STRA6: variants seen among roughly 807,000 people sequenced by gnomAD.
The protein encoded by STRA6 is receptor for retinol uptake STRA6.
In STRA6, 48 loss-of-function variants were observed where a neutral mutation model predicts 83.6. That is an observed-to-expected ratio of 0.57 (90% CI 0.46 to 0.73). The LOEUF is 0.73. STRA6 is among the 30% of genes least tolerant of loss of function. STRA6 has a pLI of 0.00. For missense variants in STRA6, 760 were observed against 838.8 expected (o/e 0.91, Z 1.16); for synonymous variants, 353 against 362.3 (o/e 0.97, Z 0.29).
rs188723297 is a variant in STRA6 at position 74,197,524 on chromosome 15, C to A, written c.181-101G>T. On this transcript the variant is annotated intron_variant, in intron 3 of 18. Coordinates refer to ENST00000395105, the MANE Select transcript of STRA6 (RefSeq NM_022369.4). ...AGGCCCCAGGATATCCCCTACCTGC[C>A]CAGTGCACACTCATGTGACATCTTG... The A allele has an allele frequency of 3.4e-5, 39 of 1,133,276 alleles. No homozygotes were observed. The East Asian group carries it at 9.2e-4, about 27-fold the overall frequency. The allele number at this position is 1,133,276 out of a possible 1,614,324, so 70.2% of individuals were successfully genotyped here. A position where few individuals can be genotyped will look rare whatever the true frequency, so the allele number is the denominator to read the frequency against.
chr15:74,182,355 A>G lies in STRA6; in HGVS notation c.1406T>C (p.Leu469Pro). Residue 469 changes from leucine to proline, a missense_variant, in exon 15 of 19, where the codon CTG becomes CCG. Transcript: ENST00000395105. ...TTGTTTCACTCACCACGAGGACTCC[A>G]GGGAACGGAAGAGCAGGAGGTTCCT... ...HGRNLLLFRSLESSWPFWLTL... is the reference protein window; with the variant it reads ...HGRNLLLFRSPESSWPFWLTL... 2 of 1,614,128 alleles carry G rather than the reference A, an allele frequency of 1.2e-6. No individual in the cohort carries two copies. Among genetic ancestry groups the G allele is most frequent in the Non-Finnish European group, 1.7e-6 (2 of 1,179,992 alleles).
At position 74,193,703 on chromosome 15, in the gene STRA6, T is replaced by C. The variant is rs1040016817; in HGVS notation, c.720+97A>G. ...TGAGCATCTATTCTGTGCTGGGCCC[T>C]ACATCAAGCACGGCCATGTATCTGG... On this transcript the variant is annotated intron_variant, in intron 8 of 18. Coordinates refer to ENST00000395105, the MANE Select transcript of STRA6 (RefSeq NM_022369.4). 4 of 1,579,830 alleles carry C rather than the reference T, an allele frequency of 2.5e-6. No homozygotes were observed. In the African/African-American group the frequency reaches 4.0e-5, roughly 16 times the overall value.
chr15:74,185,988 C>T (rs1193422445), intron 12 of STRA6, among the ~76,000 whole-genome samples: 1 of 152,222 alleles, frequency 6.6e-6, no homozygotes, highest in Non-Finnish European at 1.5e-5. Context: ...ACGGGGAGAG[C>T]AAACACAGAA....
rs933862674 is a variant in STRA6, at chr15:74,188,673, G to T, written c.1090+442C>A. ...CAGAGGAGGGAAGGAGAAAGGAGAC[G>T]GCCCCAAAAGACAGGGAGTGGGGAA... is the stretch of plus-strand genomic sequence containing the variant. On this transcript the variant is annotated intron_variant, in intron 12 of 18. Coordinates refer to ENST00000395105, the MANE Select transcript of STRA6 (RefSeq NM_022369.4). This position sits in a 1 kb window ranked among gnomAD's most constrained non-coding sequence, Gnocchi z 4.5. Among the ~76,000 whole-genome samples the T allele has an allele frequency of 1.3e-5, 2 of 152,192 alleles. No individual in the cohort carries two copies. The highest frequency in any genetic ancestry group is 4.8e-5 in the African/African-American group (2 of 41,440).
At chr15:74,181,570 T>C (rs879868238) in intron 16 of STRA6, 112 bp from the exon 17 acceptor site, 1 of 1,413,128 alleles carries the variant, frequency 7.1e-7, no homozygotes, top group East Asian at 2.5e-5. Context: ...TGCCTACCAT[T>C]TATTGCTATG....
chr15:74,208,569 A>T (rs2074314601), intron 1 of STRA6, among the ~76,000 whole-genome samples: 1 of 152,090 alleles, frequency 6.6e-6, no homozygotes, highest in African/African-American at 2.4e-5. Flanking sequence ...GGACTCTGCG[A>T]ATGTCTCCTG....
upstream of STRA6, chr15:74,209,274 C>T (rs2074331057): frequency 7.8e-7 from 1 of 1,277,360 alleles, no homozygotes; most frequent in Admixed American, 2.0e-5. Context: ...CTCAGAGTCA[C>T]CTCAGTGGAG....
upstream of STRA6, chr15:74,203,081 C>CATT (rs2074159911): frequency 1.0e-6 from 1 of 985,518 alleles, no homozygotes; most frequent in East Asian, 1.1e-4. Flanking sequence ...AGGAGACCAG[C>CATT]ATTACAGCAA....
chr15:74,185,659 T>G (rs2073209308), intron 12 of STRA6, among the ~76,000 whole-genome samples: 1 of 152,230 alleles, frequency 6.6e-6, no homozygotes, highest in Admixed American at 6.5e-5. Flanking sequence ...TGGTGTGTCA[T>G]GAACAAGCCT....
In STRA6 at chr15:74,182,412, G is replaced by C; in HGVS notation, c.1349C>G (p.Ala450Gly). ...GAGCACAGGCATGAGCACCAGGAAG[G>C]CCAGGGCCGTGGTTCCCAGGAAGAA... ...IIFFLGTTALAFLVLMPVLHG... is the reference protein window; with the variant it reads ...IIFFLGTTALGFLVLMPVLHG... Residue 450 changes from alanine to glycine, a missense_variant, in exon 15 of 19, where the codon GCC becomes GGC. Transcript: ENST00000395105. 3 of 1,612,888 alleles carry C rather than the reference G, an allele frequency of 1.9e-6. No homozygotes were observed. The highest frequency in any genetic ancestry group is 2.2e-5 in the South Asian group (2 of 90,856).
At chr15:74,210,370 C>A (rs1469516232), upstream of STRA6, among the ~76,000 whole-genome samples, 1 of 152,198 alleles carries the variant, frequency 6.6e-6, no homozygotes, top group South Asian at 2.1e-4. Context: ...ATTCTCTGGA[C>A]TGACGTGGCA....
intron 1 of STRA6, chr15:74,208,083 T>G (rs1326775920): frequency 8.2e-7 from 1 of 1,218,918 alleles, no homozygotes; most frequent in Non-Finnish European, 1.0e-6. Context: ...TGTTCTGGTA[T>G]GAGGGTGGAC....
At chr15:74,211,030 C>T (rs1675346532), upstream of STRA6, among the ~76,000 whole-genome samples, 1 of 152,098 alleles carries the variant, frequency 6.6e-6, no homozygotes, top group Non-Finnish European at 1.5e-5. Flanking sequence ...TCCTGCTGTA[C>T]CCCAGACTCC....
At chr15:74,207,557 T>C, upstream of STRA6, 1 of 797,622 alleles carries the variant, frequency 1.3e-6, no homozygotes, top group Non-Finnish European at 2.0e-6. Context: ...CCCTCCCATC[T>C]CAGCCCTTGA....
chr15:74,194,344 G>A (rs1372421008), intron 7 of STRA6: 2 of 1,082,850 alleles, frequency 1.8e-6, no homozygotes, highest in Non-Finnish European at 2.2e-6. Flanking sequence ...CCTCAGGGCT[G>A]AGGCCTTCCT....
At chr15:74,207,245 G>A (rs1402260408), upstream of STRA6, among the ~76,000 whole-genome samples, 2 of 152,188 alleles carry the variant, frequency 1.3e-5, no homozygotes, top group Non-Finnish European at 2.9e-5. Context: ...AAGGAATGGG[G>A]AAGGCCAGCA....
chr15:74,192,293 C>T (rs749175999), intron 8 of STRA6, among the ~76,000 whole-genome samples: 2 of 152,020 alleles, frequency 1.3e-5, no homozygotes, highest in Non-Finnish European at 1.5e-5. Context: ...TGTGTCGTCC[C>T]GGGGGGCCGC....
At chr15:74,192,955 C>T (rs1305383061) in intron 8 of STRA6, among the ~76,000 whole-genome samples, 1 of 152,200 alleles carries the variant, frequency 6.6e-6, no homozygotes, top group East Asian at 1.9e-4. Context: ...GGAGATCAGA[C>T]ACAAGTCCAT....
chr15:74,193,642 G>A (rs1001377569), intron 8 of STRA6, among the ~76,000 whole-genome samples, 158 bp downstream of exon 8: 33 of 152,218 alleles, frequency 2.2e-4, no homozygotes, highest in African/African-American at 6.8e-4. Context: ...TTTGCCTAGG[G>A]AGGGAGGACT....
Sources: gnomAD v4.1 joint callset for allele counts (sites outside exome capture counted in the v4.1 genomes callset) on GRCh38, gnomAD v4.1.1 for gene constraint, Gnocchi (gnomAD v3.1) non-coding constraint, MANE v1.5 for transcripts, NCBI Gene and HGNC (gene_info 2026-07-23, HGNC 2026-07-21) for gene names.